Variants in FBP1 observed in about 807,000 individuals in gnomAD.
FBP1 encodes fructose-bisphosphatase 1, also known as fructose-1,6-bisphosphatase 1.
In FBP1, 22 loss-of-function variants were observed where a neutral mutation model predicts 29.9. The ratio of observed to expected loss-of-function variants is 0.74; its 90% confidence interval spans 0.53 to 1.05. FBP1 has a LOEUF of 1.05. Ranked by LOEUF, FBP1 falls within the 50% of genes least tolerant of loss-of-function variation. The probability of loss-of-function intolerance (pLI) is 0.00; values close to 1 mark genes in which losing one functional copy is unlikely to be tolerated. For synonymous variants in FBP1, 175 were observed against 178.6 expected (o/e 0.98, Z 0.16); for missense variants, 345 against 448.2 (o/e 0.77, Z 2.08).
intron 1 of FBP1, among the ~76,000 whole-genome samples, chr9:94,626,804 G>A (rs1055491492): frequency 6.6e-6 from 1 of 152,104 alleles, no homozygotes. Flanking sequence ...TGTAATCTCA[G>A]CACTTTGGGA....
Position 94,639,207 on chromosome 9 carries a change from A to G in FBP1, c.104T>C (p.Leu35Pro). 1.2e-6 allele frequency: 2 copies of G among 1,603,252 alleles called. No individual in the cohort carries two copies. The highest frequency in any genetic ancestry group is 1.7e-6 in the Non-Finnish European group (2 of 1,175,274). Residue 35 changes from leucine to proline, a missense_variant, in exon 1 of 7, where the codon CTC (leucine) becomes CCC (proline). Coordinates refer to ENST00000375326, the MANE Select transcript of FBP1 (RefSeq NM_000507.4). ...TTTGACTGCTGTGCAGAGCGAGTTG[A>G]GCAGCTGGGTCAACTCGCCCGTGCC... ...ARGTGELTQL[L>P]NSLCTAVKAI...
chr9:94,614,610 C>T (rs1264514571), intron 3 of FBP1, among the ~76,000 whole-genome samples: 1 of 152,184 alleles, frequency 6.6e-6, no homozygotes, highest in Non-Finnish European at 1.5e-5. Flanking sequence ...AACATGACCA[C>T]ACATCCTTCC....
At chr9:94,613,041 C>G (rs547356951) in intron 3 of FBP1, among the ~76,000 whole-genome samples, 1 of 152,310 alleles carries the variant, frequency 6.6e-6, no homozygotes, top group East Asian at 1.9e-4. Flanking sequence ...ACATATTATT[C>G]CATGTCATCA....
chr9:94,606,619 T>C (rs1301963183), intron 5 of FBP1, among the ~76,000 whole-genome samples, 196 bp downstream of exon 5: 1 of 152,074 alleles, frequency 6.6e-6, no homozygotes, highest in Non-Finnish European at 1.5e-5. Context: ...CCCAATCCAC[T>C]CCATCCCTGC....
chr9:94,634,413 TG>T (rs1486753251), intron 1 of FBP1, among the ~76,000 whole-genome samples: 2 of 152,214 alleles, frequency 1.3e-5, no homozygotes, highest in Non-Finnish European at 2.9e-5. Context: ...TCTGGAACTT[TG>T]TACATGGTGG....
intron 1 of FBP1, among the ~76,000 whole-genome samples, chr9:94,634,556 A>G (rs28402394): frequency 0.012 from 1,753 of 152,284 alleles, 19 homozygotes; most frequent in South Asian, 0.019. Flanking sequence ...CTTTCTCCCA[A>G]AGGAATGCAA....
rs1191937777 is a variant in FBP1, at chr9:94,605,541, G to A, written c.741C>T (p.Gly247=). 1.9e-6 allele frequency: 3 copies of A among 1,613,718 alleles called. No homozygotes were observed. The African/African-American group carries it at 4.0e-5, about 22-fold the overall frequency. The change falls in exon 6 of 7, where the codon GGC becomes GGT. Residue 247 remains glycine (G), a synonymous_variant. Transcript: ENST00000375326. The part of the protein sequence containing the change: ...NSAPYGARYV[G]SMVADVHRTL... ...TGCGATGAACATCAGCCACCATGGA[G>A]CCCACATACCGGGCCCCATAAGGAG... is the stretch of plus-strand genomic sequence containing the variant.
chr9:94,627,497 G>A lies in FBP1; in HGVS notation c.171-7006C>T, dbSNP rs574436872. 4.1e-4 allele frequency among the ~76,000 whole-genome samples: 62 copies of A among 152,344 alleles called. 1 individual carries two copies. Among genetic ancestry groups the A allele is most frequent in the South Asian group, 4.1e-4 (2 of 4,824 alleles). On this transcript the variant is annotated intron_variant, in intron 1 of 6. Coordinates refer to ENST00000375326, the MANE Select transcript of FBP1 (RefSeq NM_000507.4). Reference sequence around the variant, plus strand: ...GAGAGGGCGGGCTCAGCAGCCTAGAGTCAATAGCAGGTGTGGGTCTCAGCT... The same window carrying A: ...GAGAGGGCGGGCTCAGCAGCCTAGAATCAATAGCAGGTGTGGGTCTCAGCT...
intron 1 of FBP1, among the ~76,000 whole-genome samples, chr9:94,625,633 A>C (rs28369670): frequency 0.26 from 40,161 of 152,210 alleles, 6,672 homozygotes; most frequent in East Asian, 0.59. Context: ...GTCTCTACTA[A>C]AAATACAAAA....
At chr9:94,630,684 G>A (rs1239123188) in intron 1 of FBP1, among the ~76,000 whole-genome samples, 3 of 152,178 alleles carry the variant, frequency 2.0e-5, no homozygotes, top group East Asian at 1.9e-4. Context: ...AAATATTACC[G>A]TTTCCACCTC....
At chr9:94,616,746 T>C (rs1827869542) in intron 3 of FBP1, among the ~76,000 whole-genome samples, 1 of 152,178 alleles carries the variant, frequency 6.6e-6, no homozygotes, top group Non-Finnish European at 1.5e-5. Context: ...ATATATACTT[T>C]GAAAAAATAA....
chr9:94,615,309 AGCTGGCTTGATTT>A (rs1325730535), intron 3 of FBP1, among the ~76,000 whole-genome samples: 4 of 152,072 alleles, frequency 2.6e-5, no homozygotes, highest in Admixed American at 6.5e-5. Flanking sequence ...TGCTGTTGCA[AGCTGGCTTGATTT>A]TTTTTTTTTA....
intron 1 of FBP1, among the ~76,000 whole-genome samples, chr9:94,632,558 C>T (rs1219014675): frequency 2.0e-5 from 3 of 151,984 alleles, no homozygotes; most frequent in Non-Finnish European, 4.4e-5. Flanking sequence ...ATCCCAGCTA[C>T]CTGGAAGGCT....
chr9:94,629,902 GC>G (rs1044836686), intron 1 of FBP1, among the ~76,000 whole-genome samples: 2 of 152,140 alleles, frequency 1.3e-5, no homozygotes, highest in African/African-American at 4.8e-5. Flanking sequence ...GGGCCTCTGA[GC>G]TCACCTCACC....
At chr9:94,610,637 G>A (rs1021563315) in intron 3 of FBP1, among the ~76,000 whole-genome samples, 52 of 152,320 alleles carry the variant, frequency 3.4e-4, no homozygotes, top group African/African-American at 1.1e-3. Flanking sequence ...TAACCGTGAT[G>A]CATGGGAAGA....
chr9:94,631,661 A>G (rs950213959), intron 1 of FBP1, among the ~76,000 whole-genome samples: 2 of 152,240 alleles, frequency 1.3e-5, no homozygotes, highest in Non-Finnish European at 1.5e-5. Context: ...ACTGTGACTG[A>G]GTAACACGAT....
intron 2 of FBP1, among the ~76,000 whole-genome samples, chr9:94,618,087 G>A (rs1348334939): frequency 6.6e-6 from 1 of 152,124 alleles, no homozygotes; most frequent in Non-Finnish European, 1.5e-5. Context: ...AGGTGCAGAT[G>A]AAGGTAATGG....
chr9:94,608,040 T>C lies in FBP1; in HGVS notation c.568-1088A>G, dbSNP rs139355206. Reference sequence around the variant, plus strand: ...TAAATAAATGTCTTTCAAAAAACTATATAGAAAAGAAAGCCATCTCACAAC... The same window carrying C: ...TAAATAAATGTCTTTCAAAAAACTACATAGAAAAGAAAGCCATCTCACAAC... On this transcript the variant is annotated intron_variant, in intron 4 of 6. Transcript: ENST00000375326. Among the ~76,000 whole-genome samples, 7 of 152,264 alleles carry C rather than the reference T, an allele frequency of 4.6e-5. No individual in the cohort carries two copies. The East Asian group carries it at 1.2e-3, about 25-fold the overall frequency.
rs1002499447 is a variant in FBP1, at chr9:94,639,479, G to T, written c.-169C>A. 2.7e-6 allele frequency: 2 copies of T among 738,698 alleles called. No individual in the cohort carries two copies. Among genetic ancestry groups the T allele is most frequent in the Admixed American group, 2.2e-5 (1 of 45,950 alleles). 45.8% of individuals were successfully genotyped at this position (738,698 alleles called of 1,614,324 possible). A position where few individuals can be genotyped will look rare whatever the true frequency, so the allele number is the denominator to read the frequency against. The stretch of plus-strand genomic sequence containing the variant: ...CGGGAGGACTGACAGACCGACTGCC[G>T]CCCCGAGTGTCCGCAGCGCTCGTGG... On this transcript the variant is annotated 5_prime_UTR_variant, in exon 1 of 7. Transcript: ENST00000375326.
Sources: allele counts gnomAD v4.1 joint callset (sites outside exome capture counted in the v4.1 genomes callset), GRCh38; gene constraint gnomAD v4.1.1; transcripts MANE v1.5; gene names NCBI Gene and HGNC (gene_info 2026-07-23, HGNC 2026-07-21).